CDH12: variants seen among roughly 807,000 people sequenced by gnomAD.
The protein encoded by CDH12 is cadherin 12.
A neutral mutation model predicts 74.1 loss-of-function variants in CDH12; 41 were observed. The ratio of observed to expected loss-of-function variants is 0.55; its 90% CI spans 0.43 to 0.72. The LOEUF is 0.72. CDH12 is among the 30% of genes least tolerant of loss of function. The pLI is 0.00. For missense variants in CDH12, 945 were observed against 977.2 expected (o/e 0.97, Z 0.44); for synonymous variants, 399 against 355.0 (o/e 1.12, Z -1.39).
chr5:21,882,404 T>A (rs1752398635), intron 6 of CDH12, among the ~76,000 whole-genome samples: 1 of 152,240 alleles, frequency 6.6e-6, no homozygotes, highest in Non-Finnish European at 1.5e-5. Context: ...AAAAACAGGT[T>A]ATTTGAACCA....
At chr5:21,907,952 C>G (rs1038983737) in intron 6 of CDH12, among the ~76,000 whole-genome samples, 8 of 152,126 alleles carry the variant, frequency 5.3e-5, no homozygotes, top group African/African-American at 1.7e-4. Context: ...CAGAAGAATG[C>G]CCAGTACATT....
In CDH12 at chr5:22,131,719, A is replaced by C. The variant is rs1032024988; in HGVS notation, c.-186-52857T>G. On this transcript the variant is annotated intron_variant, in intron 4 of 14. Coordinates refer to ENST00000382254, the MANE Select transcript of CDH12 (RefSeq NM_004061.5). The stretch of plus-strand genomic sequence containing the variant: ...CTTTCTGCTACATGAAACCTGAAGG[A>C]AGTATTCTCAGATTATCCAGACCTA... Among the ~76,000 whole-genome samples the C allele has an allele frequency of 2.0e-5, 3 of 152,136 alleles. No homozygotes were observed. In the South Asian group the frequency reaches 6.2e-4, roughly 31 times the overall value.
intron 5 of CDH12, among the ~76,000 whole-genome samples, chr5:22,009,028 A>G (rs1737133588): frequency 6.6e-6 from 1 of 152,230 alleles, no homozygotes; most frequent in Non-Finnish European, 1.5e-5. Flanking sequence ...CTATGTGGCC[A>G]TAGTCCTTGT....
At chr5:22,035,386 G>GTATATA (rs151272918) in intron 5 of CDH12, among the ~76,000 whole-genome samples, 2 of 149,476 alleles carry the variant, frequency 1.3e-5, no homozygotes, top group African/African-American at 4.9e-5. Flanking sequence ...TCTGGCCTGT[G>GTATATA]TATATATATA....
intron 12 of CDH12, among the ~76,000 whole-genome samples, chr5:21,762,080 T>C (rs1744758127): frequency 6.6e-6 from 1 of 152,180 alleles, no homozygotes; most frequent in Non-Finnish European, 1.5e-5. Flanking sequence ...AAAATCTCTG[T>C]ATCTTATCCG....
Position 22,844,221 on chromosome 5 carries a change from G to T in CDH12, c.-523+8837C>A, listed in dbSNP as rs79338218. Among the ~76,000 whole-genome samples the T allele has an allele frequency of 4.0e-3, 607 of 152,164 alleles. 5 individuals carry two copies. The highest frequency in any genetic ancestry group is 0.014 in the African/African-American group (565 of 41,536). On this transcript the variant is annotated intron_variant, in intron 1 of 14. Transcript: ENST00000382254. ...CAGTCATCATACACAAAGCTTCATG[G>T]AGTTACACATTAAGGTTTCCTATAA...
chr5:22,836,945 G>A (rs1287948978), intron 1 of CDH12, among the ~76,000 whole-genome samples: 2 of 152,098 alleles, frequency 1.3e-5, no homozygotes, highest in Non-Finnish European at 2.9e-5. Flanking sequence ...ATAAATTGAA[G>A]CTAAAGAAGA....
chr5:22,485,359 A>G (rs1376348752), intron 2 of CDH12, among the ~76,000 whole-genome samples: 1 of 152,118 alleles, frequency 6.6e-6, no homozygotes, highest in East Asian at 1.9e-4. Flanking sequence ...TTAAAAACAT[A>G]TACATTGTTT....
intron 1 of CDH12, among the ~76,000 whole-genome samples, chr5:22,635,366 T>C (rs1738785995): frequency 6.6e-6 from 1 of 152,034 alleles, no homozygotes; most frequent in Non-Finnish European, 1.5e-5. Context: ...ATGGACAAAA[T>C]AGAAGAGCTA....
intron 3 of CDH12, among the ~76,000 whole-genome samples, chr5:22,270,206 T>A (rs987832225): frequency 2.6e-5 from 4 of 152,192 alleles, no homozygotes; most frequent in African/African-American, 9.6e-5. Context: ...ATTGCATAAG[T>A]AAATCACTTC....
chr5:21,974,051 C>T (rs1027647368), intron 6 of CDH12, among the ~76,000 whole-genome samples: 4 of 152,044 alleles, frequency 2.6e-5, no homozygotes, highest in African/African-American at 9.7e-5. Context: ...TACACAATTT[C>T]AAGTGCATTA....
intron 1 of CDH12, among the ~76,000 whole-genome samples, chr5:22,563,075 T>TA (rs1739137670): frequency 6.8e-6 from 1 of 147,380 alleles, no homozygotes; most frequent in African/African-American, 2.5e-5. Context: ...GATTTATATA[T>TA]TTATATATAT....
chr5:22,128,412 G>GT (rs546052177), intron 4 of CDH12, among the ~76,000 whole-genome samples: 24,421 of 149,648 alleles, frequency 0.16, 2,387 homozygotes, highest in Non-Finnish European at 0.22. Flanking sequence ...AGTCCAGCTA[G>GT]TTTTTTTTTT....
chr5:22,461,503 CATTAAATAAAGGAAGTAAAT>C (rs1745521144), intron 2 of CDH12, among the ~76,000 whole-genome samples: 2 of 150,056 alleles, frequency 1.3e-5, no homozygotes, highest in South Asian at 4.2e-4. Context: ...AACCTGCATT[CATTAAATAAAGGAAGTAAAT>C]ATCTAAGGGC....
At chr5:21,907,482 T>C (rs1262356655) in intron 6 of CDH12, among the ~76,000 whole-genome samples, 2 of 152,204 alleles carry the variant, frequency 1.3e-5, no homozygotes, top group Non-Finnish European at 2.9e-5. Context: ...GGCACAGGGA[T>C]AATCTGTATC....
intron 1 of CDH12, among the ~76,000 whole-genome samples, chr5:22,705,609 T>C (rs1482476919): frequency 6.6e-6 from 1 of 151,860 alleles, no homozygotes. Context: ...CTTACAATAT[T>C]ATAGTATTTT....
intron 9 of CDH12, among the ~76,000 whole-genome samples, chr5:21,810,181 G>A (rs4594817): frequency 0.97 from 146,962 of 152,194 alleles, 70,969 homozygotes; most frequent in East Asian, 1. Flanking sequence ...CTTTCTATCA[G>A]TAGGACCAGA....
chr5:22,426,974 T>TA (rs1743965377), intron 2 of CDH12, among the ~76,000 whole-genome samples: 1 of 152,046 alleles, frequency 6.6e-6, no homozygotes, highest in African/African-American at 2.4e-5. Context: ...GTCTACCCTC[T>TA]ATCTCTTTTT....
At chr5:22,185,093 A>G (rs1421851017) in intron 4 of CDH12, among the ~76,000 whole-genome samples, 40 of 152,074 alleles carry the variant, frequency 2.6e-4, no homozygotes, top group Non-Finnish European at 1.6e-4. Flanking sequence ...AGTTTATCTA[A>G]AGATGTGTGC....
Sources: gnomAD v4.1 joint callset for allele counts (sites outside exome capture counted in the v4.1 genomes callset) on GRCh38, gnomAD v4.1.1 for gene constraint, MANE v1.5 for transcripts, NCBI Gene and HGNC (gene_info 2026-07-23, HGNC 2026-07-21) for gene names.